The following PTH2R variants were observed in gnomAD, a reference collection of about 807,000 sequenced individuals.
PTH2R encodes the protein parathyroid hormone 2 receptor.
PTH2R carries 59 observed loss-of-function variants against 60.3 expected under a neutral mutation model. That is an observed-to-expected ratio of 0.98 (90% CI 0.79 to 1.22). The LOEUF is 1.22. Among genes scored for constraint, PTH2R ranks in the 50% most tolerant of loss-of-function variants. The pLI is 0.00. For synonymous variants in PTH2R, 256 were observed against 243.8 expected (o/e 1.05, Z -0.47); for missense variants, 749 against 682.6 (o/e 1.10, Z -1.08).
chr2:208,489,342 C>T (rs1348073276), intron 11 of PTH2R, among the ~76,000 whole-genome samples, 192 bp downstream of exon 11: 2 of 152,130 alleles, frequency 1.3e-5, no homozygotes, highest in African/African-American at 4.8e-5. Flanking sequence ...TAATCCTCTG[C>T]TCACAGCAGG....
intron 6 of PTH2R, 113 bp from the exon 7 acceptor site, chr2:208,444,621 G>C: frequency 1.0e-6 from 1 of 988,014 alleles, no homozygotes; most frequent in Non-Finnish European, 1.5e-6. Context: ...CTGTGTAAAG[G>C]AGACATATTA....
intron 1 of PTH2R, among the ~76,000 whole-genome samples, chr2:208,422,267 G>A (rs1701771278): frequency 6.6e-6 from 1 of 152,162 alleles, no homozygotes; most frequent in South Asian, 2.1e-4. Flanking sequence ...GCTTTGCTGA[G>A]TCTACTGATT....
intron 9 of PTH2R, among the ~76,000 whole-genome samples, chr2:208,464,938 T>C (rs551809616): frequency 6.6e-5 from 10 of 152,302 alleles, no homozygotes; most frequent in South Asian, 4.1e-4. Flanking sequence ...CATTTATCTT[T>C]TGTCTTTTTG....
At chr2:208,469,174 A>G (rs1384382683) in intron 9 of PTH2R, among the ~76,000 whole-genome samples, 1 of 152,216 alleles carries the variant, frequency 6.6e-6, no homozygotes, top group Non-Finnish European at 1.5e-5. Context: ...AATTTATGGG[A>G]AAAATCTTTC....
chr2:208,442,555 T>C (rs921955851), intron 5 of PTH2R, 94 bp downstream of exon 5: 1 of 977,532 alleles, frequency 1.0e-6, no homozygotes, highest in South Asian at 1.4e-5. Flanking sequence ...CCAAATGTTT[T>C]CCTCAAATGC....
chr2:208,437,208 A>G (rs571172907), intron 2 of PTH2R, among the ~76,000 whole-genome samples: 1 of 152,330 alleles, frequency 6.6e-6, no homozygotes, highest in East Asian at 1.9e-4. Flanking sequence ...TGGTGGTCAG[A>G]AAAACTTTGT....
intron 7 of PTH2R, among the ~76,000 whole-genome samples, chr2:208,448,743 A>G (rs1212580729): frequency 6.6e-6 from 1 of 151,394 alleles, no homozygotes; most frequent in African/African-American, 2.4e-5. Flanking sequence ...CAACATTTAC[A>G]TGTCAAGTAT....
chr2:208,470,718 T>C (rs1702862881), intron 9 of PTH2R, among the ~76,000 whole-genome samples: 1 of 152,176 alleles, frequency 6.6e-6, no homozygotes, highest in African/African-American at 2.4e-5. Context: ...TAAATTGGTA[T>C]CAGTAGAGTG....
Position 208,385,626 on chromosome 2 carries a change from T to C in PTH2R, c.-259+25389T>C, listed in dbSNP as rs563599737. ...TGCAATTCTATCCTGGACTGTCATC[T>C]TTTTTGTAGTGGTCCATTCTCTAAT... On this transcript the variant is annotated intron_variant, in intron 1 of 12. Coordinates refer to the PTH2R transcript ENST00000617735. Among the ~76,000 whole-genome samples, 3 of 152,338 alleles carry C rather than the reference T, an allele frequency of 2.0e-5. No homozygotes were observed. In the East Asian group the frequency reaches 5.8e-4, roughly 29 times the overall value.
intron 1 of PTH2R, among the ~76,000 whole-genome samples, chr2:208,366,781 G>A (rs917592545): frequency 5.3e-5 from 8 of 152,132 alleles, no homozygotes; most frequent in African/African-American, 1.9e-4. Context: ...TTTAAGTTCG[G>A]CTTAAAGGTT....
chr2:208,430,976 G>T (rs976835671), intron 2 of PTH2R, among the ~76,000 whole-genome samples: 6 of 151,962 alleles, frequency 3.9e-5, no homozygotes, highest in Non-Finnish European at 8.8e-5. Context: ...ATCTTTATTC[G>T]GTGATTGGAA....
At chr2:208,437,910 C>T in intron 4 of PTH2R, 29 bp downstream of exon 4, 1 of 1,597,628 alleles carries the variant, frequency 6.3e-7, no homozygotes, top group South Asian at 1.1e-5. Flanking sequence ...TTGTGAATTC[C>T]TAAGGGAAAG....
At position 208,437,773 on chromosome 2, in the gene PTH2R, A is replaced by G; in HGVS notation, c.303A>G (p.Arg101=). The change falls in exon 4 of 13, where the codon CGA becomes CGG. Residue 101 remains arginine, a synonymous_variant. Coordinates refer to ENST00000272847, the MANE Select transcript of PTH2R (RefSeq NM_005048.4). ...ATGTCTTTACAGGAGTTGCTTTCCG[A>G]CACTGTAACCCCAATGGAACATGGG... is the stretch of plus-strand genomic sequence containing the variant. The part of the protein sequence containing the change: ...YDFNHKGVAF[R]HCNPNGTWDF... 1.9e-6 allele frequency: 3 copies of G among 1,612,786 alleles called. No individual in the cohort carries two copies. The highest frequency in any genetic ancestry group is 2.5e-6 in the Non-Finnish European group (3 of 1,178,822).
At chr2:208,483,650 A>T (rs180914420) in intron 10 of PTH2R, among the ~76,000 whole-genome samples, 23 of 152,378 alleles carry the variant, frequency 1.5e-4, no homozygotes, top group Middle Eastern at 6.8e-3. Context: ...ATTCAGAATA[A>T]CTTTGAAATA....
chr2:208,435,681 A>G (rs1702060929), intron 2 of PTH2R, among the ~76,000 whole-genome samples: 1 of 152,182 alleles, frequency 6.6e-6, no homozygotes, highest in Non-Finnish European at 1.5e-5. Context: ...GAATTCTCCC[A>G]ACCACCCAAG....
At chr2:208,391,201 G>T (rs1457071116) in intron 1 of PTH2R, among the ~76,000 whole-genome samples, 1 of 152,198 alleles carries the variant, frequency 6.6e-6, no homozygotes, top group Admixed American at 6.5e-5. Context: ...GTGAGCCAGA[G>T]AAGTTACATG....
intron 4 of PTH2R, among the ~76,000 whole-genome samples, chr2:208,440,266 A>G (rs956703197): frequency 6.6e-6 from 1 of 152,172 alleles, no homozygotes; most frequent in African/African-American, 2.4e-5. Flanking sequence ...TAAAGTCATA[A>G]CAATAACAAC....
rs577960496 is a variant in PTH2R, at chr2:208,413,585, A to G, written c.75+6467A>G. Reference sequence around the variant, plus strand: ...TATTCCTGCATTAACCATTATTTTTATATTTTTGAACATTTTTAACATATG... The same window carrying G: ...TATTCCTGCATTAACCATTATTTTTGTATTTTTGAACATTTTTAACATATG... On this transcript the variant is annotated intron_variant, in intron 1 of 12. Transcript: ENST00000272847. Among the ~76,000 whole-genome samples the G allele has an allele frequency of 3.3e-5, 5 of 152,370 alleles. No homozygotes were observed. The South Asian group carries it at 6.2e-4, about 19-fold the overall frequency.
intron 9 of PTH2R, among the ~76,000 whole-genome samples, chr2:208,476,905 C>T (rs1703016958): frequency 6.6e-6 from 1 of 152,158 alleles, no homozygotes; most frequent in Non-Finnish European, 1.5e-5. Context: ...AGGGTAGGCT[C>T]CTATCCCTGG....
Sources: gnomAD v4.1 joint callset for allele counts (sites outside exome capture counted in the v4.1 genomes callset) on GRCh38, gnomAD v4.1.1 for gene constraint, MANE v1.5 for transcripts, NCBI Gene and HGNC (gene_info 2026-07-23, HGNC 2026-07-21) for gene names.